The following SLC8A1 variants were observed in gnomAD, a reference collection of about 807,000 sequenced individuals.
SLC8A1 encodes solute carrier family 8 member A1.
A neutral mutation model predicts 68.3 loss-of-function variants in SLC8A1; 18 were observed. The ratio of observed to expected loss-of-function variants is 0.26; its 90% CI spans 0.18 to 0.39. The LOEUF is 0.39. SLC8A1 is among the 10% of genes least tolerant of loss of function. The pLI is 1.00. For missense variants in SLC8A1, 985 were observed against 1,156.7 expected (o/e 0.85, Z 2.15); for synonymous variants, 475 against 415.5 (o/e 1.14, Z -1.74).
At chr2:40,394,452 T>C (rs928806889) in intron 2 of SLC8A1, among the ~76,000 whole-genome samples, 4 of 151,940 alleles carry the variant, frequency 2.6e-5, no homozygotes, top group Non-Finnish European at 4.4e-5. Flanking sequence ...AGTGTGTGTG[T>C]GTGCGTGTGT....
intron 2 of SLC8A1, among the ~76,000 whole-genome samples, chr2:40,332,534 T>A (rs151282554): frequency 3.3e-5 from 5 of 152,242 alleles, no homozygotes; most frequent in Non-Finnish European, 5.9e-5. Flanking sequence ...TATTCTGACC[T>A]TGTGCTCTAG....
At chr2:40,339,897 C>T (rs1484331449) in intron 2 of SLC8A1, among the ~76,000 whole-genome samples, 3 of 152,182 alleles carry the variant, frequency 2.0e-5, no homozygotes, top group Non-Finnish European at 4.4e-5. Context: ...TATTGCATAC[C>T]TATTGTGTAT....
chr2:40,127,546 T>G (rs1193550894), intron 7 of SLC8A1, among the ~76,000 whole-genome samples: 2 of 152,182 alleles, frequency 1.3e-5, no homozygotes, highest in Admixed American at 1.3e-4. Flanking sequence ...TGTGGTTACC[T>G]GCTTTTTTGC....
At chr2:40,255,644 A>G (rs1323110008) in intron 2 of SLC8A1, among the ~76,000 whole-genome samples, 2 of 152,112 alleles carry the variant, frequency 1.3e-5, no homozygotes, top group East Asian at 3.8e-4. Flanking sequence ...TTAGCATCTC[A>G]TAATTTTGTT....
chr2:40,222,949 A>T (rs1050870457), intron 2 of SLC8A1, among the ~76,000 whole-genome samples: 2 of 152,226 alleles, frequency 1.3e-5, no homozygotes, highest in Non-Finnish European at 2.9e-5. Flanking sequence ...CCATTGTGGA[A>T]AAAAGTGTGG....
intron 2 of SLC8A1, among the ~76,000 whole-genome samples, chr2:40,409,507 T>G (rs191987926): frequency 5.1e-4 from 78 of 152,210 alleles, no homozygotes; most frequent in Admixed American, 4.6e-3. Context: ...CATTCACACA[T>G]AACACCACAT....
intron 2 of SLC8A1, among the ~76,000 whole-genome samples, chr2:40,306,413 G>T (rs907997706): frequency 1.3e-5 from 2 of 150,284 alleles, no homozygotes; most frequent in East Asian, 4.0e-4. Context: ...TACTGAAGGT[G>T]TAAGGGCATT....
chr2:40,491,651 C>CCCAT (rs1335841943), intron 1 of SLC8A1, among the ~76,000 whole-genome samples: 4 of 151,996 alleles, frequency 2.6e-5, no homozygotes, highest in African/African-American at 9.7e-5. Flanking sequence ...TGAGATACGT[C>CCCAT]CCATCAATAC....
At chr2:40,323,663 T>A (rs974434817) in intron 2 of SLC8A1, among the ~76,000 whole-genome samples, 1 of 152,106 alleles carries the variant, frequency 6.6e-6, no homozygotes, top group African/African-American at 2.4e-5. Flanking sequence ...ACTCAATGAT[T>A]ATCTGTCCCA....
At chr2:40,372,199 G>C (rs1678321052) in intron 2 of SLC8A1, among the ~76,000 whole-genome samples, 1 of 152,020 alleles carries the variant, frequency 6.6e-6, no homozygotes, top group Admixed American at 6.6e-5. Context: ...TAATCCTCCA[G>C]AATGTAAACT....
In SLC8A1 at chr2:40,503,099, T is replaced by C. The variant is rs2149938312; in HGVS notation, c.-25+9250A>G. Among the ~76,000 whole-genome samples the C allele has an allele frequency of 2.6e-5, 4 of 152,184 alleles. No individual in the cohort carries two copies. The Middle Eastern group carries it at 0.01, about 388-fold the overall frequency. On this transcript the variant is annotated intron_variant, in intron 1 of 7. Coordinates refer to the SLC8A1 transcript ENST00000402441. ...TTCCATTTATGAAAATTCCTTGAGC[T>C]GCATAATCACATGTTTCTGTAGGTA...
intron 2 of SLC8A1, among the ~76,000 whole-genome samples, chr2:40,398,130 G>A (rs1051815302): frequency 5.3e-5 from 8 of 152,176 alleles, no homozygotes; most frequent in Non-Finnish European, 1.2e-4. Flanking sequence ...TTAAAATATG[G>A]AGCCACTTTT....
exon 2 of SLC8A1, chr2:40,429,325 T>A (rs760155510): frequency 9.3e-6 from 15 of 1,613,834 alleles, no homozygotes; most frequent in African/African-American, 1.3e-5. Context: ...AGCTTCTTCA[T>A]CATCTTGGTC....
chr2:40,258,708 G>A (rs1367523358), intron 2 of SLC8A1, among the ~76,000 whole-genome samples: 7 of 151,946 alleles, frequency 4.6e-5, no homozygotes, highest in African/African-American at 9.7e-5. Context: ...CAGGTGTGGC[G>A]GCAGGCACCT....
At chr2:40,501,804 G>A (rs1706075840) in intron 1 of SLC8A1, among the ~76,000 whole-genome samples, 1 of 152,048 alleles carries the variant, frequency 6.6e-6, no homozygotes, top group Non-Finnish European at 1.5e-5. Flanking sequence ...TGTGGGACCT[G>A]ACAAAAGCTT....
chr2:40,160,627 T>G, intron 6 of SLC8A1, 138 bp downstream of exon 9: 1 of 714,538 alleles, frequency 1.4e-6, no homozygotes, highest in Non-Finnish European at 2.5e-6. Context: ...GTGCATACAT[T>G]AACAAATAAA....
intron 1 of SLC8A1, among the ~76,000 whole-genome samples, chr2:40,481,242 C>A (rs1212653229): frequency 3.3e-5 from 5 of 152,142 alleles, no homozygotes; most frequent in Non-Finnish European, 7.3e-5. Flanking sequence ...TTAATTAGTT[C>A]TGTGGCATAT....
At chr2:40,427,534 T>A (rs1408534249) in intron 2 of SLC8A1, among the ~76,000 whole-genome samples, 1 of 151,946 alleles carries the variant, frequency 6.6e-6, no homozygotes, top group Non-Finnish European at 1.5e-5. Flanking sequence ...CAGAAATTGT[T>A]CATAGAGTCA....
chr2:40,344,008 T>TATGAGCAAG (rs1374174332), intron 2 of SLC8A1, among the ~76,000 whole-genome samples: 1 of 152,148 alleles, frequency 6.6e-6, no homozygotes, highest in Non-Finnish European at 1.5e-5. Context: ...TTCACAGCTT[T>TATGAGCAAG]ATGAGCAAGA....
Sources: gnomAD v4.1 joint callset for allele counts (sites outside exome capture counted in the v4.1 genomes callset) on GRCh38, gnomAD v4.1.1 for gene constraint, MANE v1.5 for transcripts, NCBI Gene and HGNC (gene_info 2026-07-23, HGNC 2026-07-21) for gene names.